The following RNF123 variants were observed in gnomAD, a reference collection of about 807,000 sequenced individuals.
RNF123 encodes ring finger protein 123.
Under a neutral mutation model 168.5 loss-of-function variants are expected in RNF123, and 86 were observed. The observed-to-expected ratio is 0.51, with a 90% CI of 0.43 to 0.61. The LOEUF (loss-of-function observed/expected upper bound fraction) is 0.61. Ranked by LOEUF, RNF123 falls within the 20% of genes least tolerant of loss-of-function variation. The probability of loss-of-function intolerance (pLI) is 0.00; values close to 1 mark genes in which losing one functional copy is unlikely to be tolerated. For missense variants in RNF123, 1,419 were observed against 1,729.7 expected, an observed-to-expected ratio of 0.82 and a Z score of 3.19; for synonymous variants, 666 against 689.1, an observed-to-expected ratio of 0.97 and a Z score of 0.52.
chr3:49,721,245 C>T lies in RNF123; in HGVS notation c.3885C>T (p.Ile1295=), dbSNP rs940478732. ...ACTGCTTCTTCTGCAAAACCACCATCGTGTCTGTAGAGGACTGGGAGAAGG... is the reference window on the plus strand; with the variant it reads ...ACTGCTTCTTCTGCAAAACCACCATTGTGTCTGTAGAGGACTGGGAGAAGG... ...NKDCFFCKTT[I]VSVEDWEKGA... The change falls in exon 39 of 39, where the codon ATC becomes ATT. Residue 1295 remains isoleucine (I), a synonymous_variant. Transcript: ENST00000327697. 8 of 1,614,104 alleles carry T rather than the reference C, an allele frequency of 5.0e-6. No homozygotes were observed. Among genetic ancestry groups the T allele is most frequent in the African/African-American group, 1.3e-5 (1 of 74,938 alleles).
chr3:49,699,919 C>A lies in RNF123; in HGVS notation c.984+147C>A. 2 of 785,182 alleles carry A rather than the reference C, an allele frequency of 2.5e-6. No individual in the cohort carries two copies. The highest frequency in any genetic ancestry group is 4.1e-6 in the Non-Finnish European group (2 of 481,992). The allele number at this position is 785,182 out of a possible 1,614,324, so 48.6% of individuals were successfully genotyped here. A position where few individuals can be genotyped will look rare whatever the true frequency, so the allele number is the denominator to read the frequency against. On this transcript the variant is annotated intron_variant, in intron 12 of 38. Transcript: ENST00000327697. The surrounding 1 kb of genome is among the most constrained non-coding windows in gnomAD (Gnocchi z 4.8). Reference sequence around the variant, plus strand: ...CCCCATGTGACCAGGGCCCTCAGACCTCAGTCAGTCCCCTAGGGAAACAGG... The same window carrying A: ...CCCCATGTGACCAGGGCCCTCAGACATCAGTCAGTCCCCTAGGGAAACAGG...
At chr3:49,719,344 G>A (rs767335517) in intron 35 of RNF123, 21 of 1,613,464 alleles carry the variant, frequency 1.3e-5, no homozygotes, top group East Asian at 4.5e-5. Flanking sequence ...CAGGTCGGCA[G>A]CGCAGATACA....
Position 49,720,577 on chromosome 3 carries a change from C to T in RNF123, c.3567C>T (p.Leu1189=). 1 of 1,612,188 alleles carries T rather than the reference C, an allele frequency of 6.2e-7. No homozygotes were observed. The highest frequency in any genetic ancestry group is 8.5e-7 in the Non-Finnish European group (1 of 1,178,874). Residue 1189 remains leucine, a synonymous_variant, in exon 36 of 39, where the codon CTC becomes CTT. Transcript: ENST00000327697. ...PCFQLRSICY[L]LGQPEPPAPG... ...TCCAGCTACGCTCAATATGCTATCT[C>T]CTGGGACAGCCAGAGCCCCCAGCAC...
chr3:49,698,092 C>T lies in RNF123; in HGVS notation c.438C>T (p.Leu146=). 6.2e-7 allele frequency: 1 copy of T among 1,614,074 alleles called. No individual in the cohort carries two copies. The highest frequency in any genetic ancestry group is 8.5e-7 in the Non-Finnish European group (1 of 1,179,988). The part of the protein sequence containing the change: ...LYEVLISSQG[L]MQIGWCTISC... ...AGGTCCTCATCTCCTCCCAGGGGCT[C>T]ATGCAGATCGGCTGGTGCACCATCA... The change falls in exon 7 of 39, where the codon CTC becomes CTT. Residue 146 remains leucine (L), a synonymous_variant. Coordinates refer to ENST00000327697, the MANE Select transcript of RNF123 (RefSeq NM_022064.5).
chr3:49,718,962 T>C (rs2080319333), intron 35 of RNF123: 2 of 1,613,522 alleles, frequency 1.2e-6, no homozygotes, highest in South Asian at 2.2e-5. Context: ...ACGAGGCGAG[T>C]TCGTTGCAGC....
chr3:49,703,633 G>T (rs1007826903), intron 21 of RNF123, 105 bp downstream of exon 21: 79 of 874,344 alleles, frequency 9.0e-5, no homozygotes, highest in Non-Finnish European at 1.4e-4. Context: ...CCACCAGAGG[G>T]TGCCCAAGTC....
In RNF123 at chr3:49,703,540, C is replaced by A. The variant is rs375713809; in HGVS notation, c.1852+12C>A. The stretch of plus-strand genomic sequence containing the variant: ...GAAGACCCTCAAAGGTGTGTACAGG[C>A]CTGTGGGCCGGGAGCAGTTCTGGGG... On this transcript the variant is annotated intron_variant, in intron 21 of 38. Transcript: ENST00000327697. 2.6e-4 allele frequency: 419 copies of A among 1,608,740 alleles called. No individual in the cohort carries two copies. Among genetic ancestry groups the A allele is most frequent in the Non-Finnish European group, 3.4e-4 (397 of 1,176,206 alleles).
chr3:49,694,791 A>G (rs2054235345), intron 3 of RNF123, among the ~76,000 whole-genome samples: 3 of 150,878 alleles, frequency 2.0e-5, no homozygotes, highest in Admixed American at 6.6e-5. Flanking sequence ...CCCCATACTC[A>G]GTCCTGGCCT....
chr3:49,693,650 C>T (rs2054212763), intron 3 of RNF123, among the ~76,000 whole-genome samples: 1 of 152,162 alleles, frequency 6.6e-6, no homozygotes, highest in African/African-American at 2.4e-5. Flanking sequence ...AGCCACCGCA[C>T]CTGACCAATT....
At chr3:49,703,939 A>G (rs540218747) in intron 21 of RNF123, among the ~76,000 whole-genome samples, 1 of 152,268 alleles carries the variant, frequency 6.6e-6, no homozygotes, top group Non-Finnish European at 1.5e-5. Context: ...GCCGGAGTGC[A>G]GGGGCTGAGA....
chr3:49,699,176 C>T lies in RNF123; in HGVS notation c.764+71C>T. 1 of 1,548,190 alleles carries T rather than the reference C, an allele frequency of 6.5e-7. No homozygotes were observed. The highest frequency in any genetic ancestry group is 8.7e-7 in the Non-Finnish European group (1 of 1,146,082). On this transcript the variant is annotated intron_variant, in intron 10 of 38. Coordinates refer to ENST00000327697, the MANE Select transcript of RNF123 (RefSeq NM_022064.5). This position sits in a 1 kb window ranked among gnomAD's most constrained non-coding sequence, Gnocchi z 4.8. Reference sequence around the variant, plus strand: ...GGAGGCTGGGATGAGGGGCTCCCTACCCCAGGGGTGCCATGGGCTGGTGGC... The same window carrying T: ...GGAGGCTGGGATGAGGGGCTCCCTATCCCAGGGGTGCCATGGGCTGGTGGC...
intron 16 of RNF123, 49 bp from the exon 17 acceptor site, chr3:49,701,762 G>T: frequency 6.5e-7 from 1 of 1,535,610 alleles, no homozygotes; most frequent in Non-Finnish European, 8.9e-7. Flanking sequence ...AGGAGGCCTG[G>T]CTAGGTCCCA....
At chr3:49,706,280 G>C (rs2054517476) in intron 25 of RNF123, among the ~76,000 whole-genome samples, 1 of 152,206 alleles carries the variant, frequency 6.6e-6, no homozygotes, top group African/African-American at 2.4e-5. Flanking sequence ...CCCAATAAGT[G>C]CTGAAGCACA....
chr3:49,715,413 C>T (rs1559687081), intron 31 of RNF123, 162 bp from the exon 32 acceptor site: 1 of 829,600 alleles, frequency 1.2e-6, no homozygotes, highest in Non-Finnish European at 1.8e-6. Flanking sequence ...CCAACTAACT[C>T]CAAGGCAGCT....
At chr3:49,708,152 C>T (rs1198952954) in intron 26 of RNF123, among the ~76,000 whole-genome samples, 1 of 152,080 alleles carries the variant, frequency 6.6e-6, no homozygotes, top group African/African-American at 2.4e-5. Flanking sequence ...TTGGTAGAGA[C>T]AGGGTTTCAC....
At chr3:49,719,689 C>T in intron 35 of RNF123, 1 of 521,768 alleles carries the variant, frequency 1.9e-6, no homozygotes, top group Non-Finnish European at 3.5e-6. Context: ...CCTCTCCAAG[C>T]GAGTTCCTGA....
Position 49,706,067 on chromosome 3 carries a change from T to A in RNF123, c.2388+2T>A. On this transcript the variant is annotated splice_donor_variant, in intron 25 of 38. Coordinates refer to ENST00000327697, the MANE Select transcript of RNF123 (RefSeq NM_022064.5). LOFTEE classifies it high-confidence loss of function. ...AAGCTCCGCCGGTGCCCCAAGAGGG[T>A]AAGGCCCACATAGTCTTGGTGAGGG... 1 of 1,613,812 alleles carries A rather than the reference T, an allele frequency of 6.2e-7. No individual in the cohort carries two copies. Among genetic ancestry groups the A allele is most frequent in the Non-Finnish European group, 8.5e-7 (1 of 1,179,758 alleles).
At chr3:49,701,949 G>A in intron 17 of RNF123, 39 bp downstream of exon 17, 1 of 1,554,250 alleles carries the variant, frequency 6.4e-7, no homozygotes, top group Non-Finnish European at 8.7e-7. Flanking sequence ...TGGGAGGTGT[G>A]TGTGTGCACA....
At chr3:49,715,332 G>A (rs576555166) in intron 31 of RNF123, among the ~76,000 whole-genome samples, 2 of 152,376 alleles carry the variant, frequency 1.3e-5, no homozygotes, top group Non-Finnish European at 2.9e-5. Context: ...TGGAGTGGAT[G>A]GTGTGGTGTC....
Sources: gnomAD v4.1 joint callset for allele counts (sites outside exome capture counted in the v4.1 genomes callset) on GRCh38, gnomAD v4.1.1 for gene constraint, Gnocchi (gnomAD v3.1) non-coding constraint, MANE v1.5 for transcripts, NCBI Gene and HGNC (gene_info 2026-07-23, HGNC 2026-07-21) for gene names.